The following COL6A6 variants were observed in gnomAD, a reference collection of about 807,000 sequenced individuals.
COL6A6 encodes collagen alpha-6(VI) chain.
A neutral mutation model predicts 208.6 loss-of-function variants in COL6A6; 183 were observed. That is an observed-to-expected ratio of 0.88 (90% CI 0.78 to 0.99). COL6A6 has a LOEUF of 0.99. Among genes scored for constraint, COL6A6 ranks in the 50% least tolerant of loss-of-function variants. The pLI is 0.00. For synonymous variants in COL6A6, 973 were observed against 1,011.8 expected (o/e 0.96, Z 0.73); for missense variants, 2,816 against 2,815.2 (o/e 1.00, Z -0.01).
chr3:130,576,557 C>A (rs1247518447), intron 8 of COL6A6, among the ~76,000 whole-genome samples: 1 of 151,998 alleles, frequency 6.6e-6, no homozygotes, highest in Admixed American at 6.6e-5. Context: ...TCTCTCTGAA[C>A]CATCCAGTTT....
chr3:130,614,766 A>G (rs937425907), intron 23 of COL6A6, among the ~76,000 whole-genome samples: 2 of 152,022 alleles, frequency 1.3e-5, no homozygotes, highest in African/African-American at 2.4e-5. Context: ...GAATTTATCT[A>G]TTACTTCTGG....
In COL6A6 at chr3:130,661,963, A is replaced by G. The variant is rs1421136610; in HGVS notation, c.6157A>G (p.Lys2053Glu). The G allele has an allele frequency of 6.2e-7, 1 of 1,614,002 alleles. No homozygotes were observed. Residue 2053 changes from lysine (K) to glutamate (E), a missense_variant, in exon 35 of 37, where the codon AAA becomes GAA. Coordinates refer to ENST00000358511, the MANE Select transcript of COL6A6 (RefSeq NM_001102608.3). Reference sequence around the variant, plus strand: ...GAAGAGGCATGTGCACGAGTCAGTTAAACAACTAAATGGAGATGCTTTTAT... The same window carrying G: ...GAAGAGGCATGTGCACGAGTCAGTTGAACAACTAAATGGAGATGCTTTTAT... ...LMKRHVHESV[K>E]QLNGDAFIGH...
At chr3:130,563,808 C>A in intron 3 of COL6A6, 144 bp downstream of exon 3, 1 of 601,256 alleles carries the variant, frequency 1.7e-6, no homozygotes, top group South Asian at 2.4e-5. Context: ...TTAAGAGAGT[C>A]CAGTGATTAT....
rs548384035 is a variant in COL6A6 at position 130,669,105 on chromosome 3, A to C, written c.6596+4009A>C. 5.3e-5 allele frequency among the ~76,000 whole-genome samples: 8 copies of C among 152,276 alleles called. No homozygotes were observed. The South Asian group carries it at 1.7e-3, about 32-fold the overall frequency. ...AATGCAATTAAGTTAGAAATTAATA[A>C]TATTTTAGGCTGGGCACGGTGGCTC... is the stretch of plus-strand genomic sequence containing the variant. On this transcript the variant is annotated intron_variant, in intron 36 of 36. Coordinates refer to ENST00000358511, the MANE Select transcript of COL6A6 (RefSeq NM_001102608.3).
At chr3:130,539,639 A>G (rs889494386) in intron 1 of COL6A6, among the ~76,000 whole-genome samples, 4 of 151,966 alleles carry the variant, frequency 2.6e-5, no homozygotes, top group African/African-American at 9.7e-5. Context: ...TCTCAAAAAA[A>G]AAAAAAAATT....
chr3:130,563,666 T>C lies in COL6A6; in HGVS notation c.661+2T>C, dbSNP rs150427289. On this transcript the variant is annotated splice_donor_variant, in intron 3 of 36. Coordinates refer to ENST00000358511, the MANE Select transcript of COL6A6 (RefSeq NM_001102608.3). LOFTEE classifies it high-confidence loss of function. ...CAGTTGATGACATCTTTGTAGAAGG[T>C]GGGCTTAGGATATGTGTATAGGAAT... 6.0e-4 allele frequency: 947 copies of C among 1,590,450 alleles called. 16 individuals are homozygous for C. The East Asian group carries it at 0.019, about 32-fold the overall frequency.
At chr3:130,604,231 C>T (rs1387117139) in intron 20 of COL6A6, among the ~76,000 whole-genome samples, 7 of 152,172 alleles carry the variant, frequency 4.6e-5, no homozygotes, top group African/African-American at 1.7e-4. Context: ...TGGTGGCTCA[C>T]GCCTGTAATC....
intron 21 of COL6A6, among the ~76,000 whole-genome samples, chr3:130,608,321 G>A (rs1419248061): frequency 2.0e-5 from 3 of 152,180 alleles, no homozygotes; most frequent in Non-Finnish European, 2.9e-5. Flanking sequence ...AAAGGTATCT[G>A]TAAGTGACAT....
rs72992282 is a variant in COL6A6 at position 130,568,354 on chromosome 3, C to T, written c.2151C>T (p.Gly717=). 1.7e-4 allele frequency: 282 copies of T among 1,613,986 alleles called. No individual in the cohort carries two copies. The African/African-American group carries it at 2.7e-3, about 15-fold the overall frequency. Residue 717 remains glycine (G), a synonymous_variant, in exon 6 of 37, where the codon GGC becomes GGT. Coordinates refer to ENST00000358511, the MANE Select transcript of COL6A6 (RefSeq NM_001102608.3). ...FVSQYFSPTK[G]ARPNIRKFLI... ...CTCAGTACTTCAGCCCCACCAAGGG[C>T]GCCCGGCCCAACATCAGAAAGTTTC...
intron 1 of COL6A6, among the ~76,000 whole-genome samples, chr3:130,520,629 C>A (rs1014580850): frequency 6.6e-6 from 1 of 152,132 alleles, no homozygotes; most frequent in African/African-American, 2.4e-5. Context: ...CTTAAAATTT[C>A]AAAATTCTGG....
chr3:130,627,666 A>G (rs1233991397), intron 26 of COL6A6, among the ~76,000 whole-genome samples: 1 of 152,212 alleles, frequency 6.6e-6, no homozygotes, highest in East Asian at 1.9e-4. Context: ...TAGCCACTCC[A>G]GGCTCAAGTT....
chr3:130,572,646 A>G (rs1280611069), intron 7 of COL6A6, among the ~76,000 whole-genome samples: 1 of 152,194 alleles, frequency 6.6e-6, no homozygotes, highest in Non-Finnish European at 1.5e-5. Flanking sequence ...TCTCCAGTTC[A>G]CTGTAGAAGT....
chr3:130,553,851 TTTTTGTTTTG>T (rs145675929), intron 1 of COL6A6, among the ~76,000 whole-genome samples: 100,613 of 149,928 alleles, frequency 0.67, 37,884 homozygotes, highest in Non-Finnish European at 0.84. Flanking sequence ...TTTGTGTTTT[TTTTTGTTTTG>T]TTTTGTTTTG....
intron 24 of COL6A6, among the ~76,000 whole-genome samples, chr3:130,625,539 CT>C (rs1294262487): frequency 6.6e-6 from 1 of 152,056 alleles, no homozygotes; most frequent in East Asian, 1.9e-4. Flanking sequence ...TGTAATGTTC[CT>C]CCCCCAAACC....
intron 18 of COL6A6, among the ~76,000 whole-genome samples, chr3:130,595,055 T>G (rs1227887632): frequency 6.6e-6 from 1 of 152,132 alleles, no homozygotes; most frequent in Non-Finnish European, 1.5e-5. Context: ...TCTCCAAGAA[T>G]TTTTCTCAAG....
At chr3:130,551,933 A>G (rs1472095037) in intron 1 of COL6A6, among the ~76,000 whole-genome samples, 5 of 152,134 alleles carry the variant, frequency 3.3e-5, no homozygotes. Context: ...GTCATTCAGG[A>G]GCAGGTTGTT....
chr3:130,584,476 A>G (rs554620169), intron 10 of COL6A6, among the ~76,000 whole-genome samples: 86 of 152,266 alleles, frequency 5.6e-4, no homozygotes, highest in African/African-American at 2.0e-3. Flanking sequence ...AGAATGACCG[A>G]CTATCCTGTT....
At chr3:130,527,890 C>CTTTTTTT (rs56110472) in intron 1 of COL6A6, among the ~76,000 whole-genome samples, 23 of 57,806 alleles carry the variant, frequency 4.0e-4, no homozygotes, top group African/African-American at 4.9e-4. Flanking sequence ...GTTACTTTTC[C>CTTTTTTT]TTTTTTTTTT....
rs947801261 is a variant in COL6A6, at chr3:130,676,557, C to G, written c.*1160C>G. 2.0e-5 allele frequency: 3 copies of G among 152,182 alleles called. No homozygotes were observed. The East Asian group carries it at 5.8e-4, about 29-fold the overall frequency. 9.4% of individuals were successfully genotyped at this position (152,182 alleles called of 1,614,324 possible). On this transcript the variant is annotated 3_prime_UTR_variant, in exon 37 of 37. Transcript: ENST00000358511. ...CAATGGCCCTGTTAGGCAGACTGTC[C>G]CCCTCTTTGGGAATGGAAAGAAGCC...
Sources: allele counts gnomAD v4.1 joint callset (sites outside exome capture counted in the v4.1 genomes callset), GRCh38; gene constraint gnomAD v4.1.1; transcripts MANE v1.5; gene names NCBI Gene and HGNC (gene_info 2026-07-23, HGNC 2026-07-21).